The following AKAP11 variants were observed in gnomAD, a reference collection of about 807,000 sequenced individuals.
The protein encoded by AKAP11 is A-kinase anchor protein 11.
Under a neutral mutation model 146.1 loss-of-function variants are expected in AKAP11, and 36 were observed. The ratio of observed to expected loss-of-function variants is 0.25; its 90% CI spans 0.19 to 0.33. The LOEUF (loss-of-function observed/expected upper bound fraction) is 0.33, where lower values mean the gene tolerates loss of function less well. AKAP11 is among the 10% of genes least tolerant of loss of function. AKAP11 has a pLI of 1.00. For missense variants in AKAP11, 2,201 were observed against 2,197.0 expected (o/e 1.00, Z -0.04); for synonymous variants, 780 against 786.5 (o/e 0.99, Z 0.14).
At chr13:42,319,049 TTG>T in intron 12 of AKAP11, 37 bp from the exon 13 acceptor site, 3 of 1,582,568 alleles carry the variant, frequency 1.9e-6, no homozygotes, top group Non-Finnish European at 2.6e-6. Context: ...TGTTATAAAA[TTG>T]TTTTTGGTTA....
rs774029757 is a variant in AKAP11 at position 42,317,580 on chromosome 13, A to G, written c.5457A>G (p.Pro1819=). ...TLLITNIDME[P]CTVDPQLRII... is the part of the protein sequence containing the mutation. ...TAATTACGAATATTGACATGGAGCC[A>G]TGCACGGTAGACCCCCAGCTAAGGA... Residue 1819 remains proline (P), a synonymous_variant, in exon 12 of 13, where the codon CCA becomes CCG. Coordinates refer to ENST00000025301, the MANE Select transcript of AKAP11 (RefSeq NM_016248.4). 5.6e-6 allele frequency: 9 copies of G among 1,614,220 alleles called. No individual in the cohort carries two copies. The highest frequency in any genetic ancestry group is 5.9e-6 in the Non-Finnish European group (7 of 1,180,014).
chr13:42,300,048 T>G lies in AKAP11; in HGVS notation c.1302T>G (p.Pro434=). ...YGNLCDAPDS[P]RPVKASREDS... Reference sequence around the variant, plus strand: ...ACCTGTGTGATGCTCCGGATTCTCCTCGCCCAGTGAAGGCATCAAGGGAAG... The same window carrying G: ...ACCTGTGTGATGCTCCGGATTCTCCGCGCCCAGTGAAGGCATCAAGGGAAG... Residue 434 remains proline, a synonymous_variant, in exon 8 of 13, where the codon CCT becomes CCG. Coordinates refer to ENST00000025301, the MANE Select transcript of AKAP11 (RefSeq NM_016248.4). The G allele has an allele frequency of 6.2e-7, 1 of 1,613,964 alleles. No homozygotes were observed. The highest frequency in any genetic ancestry group is 8.5e-7 in the Non-Finnish European group (1 of 1,179,838).
At position 42,300,054 on chromosome 13, in the gene AKAP11, A is replaced by C. The variant is rs140676601; in HGVS notation, c.1308A>C (p.Pro436=). ...GTGATGCTCCGGATTCTCCTCGCCC[A>C]GTGAAGGCATCAAGGGAAGATAGTG... ...NLCDAPDSPR[P]VKASREDSGL... The change falls in exon 8 of 13, where the codon CCA becomes CCC. Residue 436 remains proline, a synonymous_variant. Transcript: ENST00000025301. The C allele has an allele frequency of 2.9e-4, 474 of 1,613,842 alleles. No homozygotes were observed. Among genetic ancestry groups the C allele is most frequent in the Non-Finnish European group, 3.7e-4 (435 of 1,179,848 alleles).
Position 42,297,169 on chromosome 13 carries a change from A to G in AKAP11, c.338A>G (p.Asp113Gly). Residue 113 changes from aspartate to glycine, a missense_variant, in exon 6 of 13, where the codon GAT becomes GGT. This residue lies in a region of AKAP11 where 331 missense variants were observed against 347.4 expected (regional missense o/e 0.95). Coordinates refer to ENST00000025301, the MANE Select transcript of AKAP11 (RefSeq NM_016248.4). ...NINKPLDISS[D>G]PLNQSHPSGM... ...AATAAACCATTAGATATAAGCAGTG[A>G]TCCTCTAAATCAGGTAACTTTTGTA... The G allele has an allele frequency of 1.4e-6, 2 of 1,457,860 alleles. No individual in the cohort carries two copies. Among genetic ancestry groups the G allele is most frequent in the Non-Finnish European group, 1.8e-6 (2 of 1,096,200 alleles). 90.3% of individuals were successfully genotyped at this position (1,457,860 alleles called of 1,614,324 possible). A position where few individuals can be genotyped will look rare whatever the true frequency, so the allele number is the denominator to read the frequency against.
chr13:42,309,978 G>A (rs144760282), intron 9 of AKAP11, among the ~76,000 whole-genome samples: 3 of 152,208 alleles, frequency 2.0e-5, no homozygotes, highest in African/African-American at 7.2e-5. Flanking sequence ...TTCTGTCCTT[G>A]GTTCTGTCCT....
At chr13:42,290,986 G>A (rs1213974865) in intron 3 of AKAP11, among the ~76,000 whole-genome samples, 1 of 152,100 alleles carries the variant, frequency 6.6e-6, no homozygotes, top group South Asian at 2.1e-4. Flanking sequence ...GTGGAAAAAA[G>A]GTAGTACATG....
chr13:42,292,466 T>A lies in AKAP11; in HGVS notation c.133T>A (p.Cys45Ser). The A allele has an allele frequency of 6.3e-7, 1 of 1,581,052 alleles. No individual in the cohort carries two copies. The stretch of plus-strand genomic sequence containing the variant: ...ACTATGCAGTGTAACAGCAGAGGAC[T>A]GTTTACAGCAGGATGAGCATGCCAA... The part of the protein sequence containing the change: ...KELCSVTAED[C>S]LQQDEHANLT... The change falls in exon 4 of 13, where the codon TGT becomes AGT. Residue 45 changes from cysteine (C) to serine (S), a missense_variant. By Grantham distance (112) the Cys-to-Ser change is moderately radical. Coordinates refer to ENST00000025301, the MANE Select transcript of AKAP11 (RefSeq NM_016248.4).
rs116756612 is a variant in AKAP11 at position 42,277,138 on chromosome 13, T to C, written c.-100+4910T>C. Among the ~76,000 whole-genome samples the C allele has an allele frequency of 5.6e-3, 858 of 152,360 alleles. 10 individuals carry two copies. Among genetic ancestry groups the C allele is most frequent in the African/African-American group, 0.019 (788 of 41,582 alleles). On this transcript the variant is annotated intron_variant, in intron 1 of 12. Transcript: ENST00000025301. ...TCCTTATAATATTGCCATACACATA[T>C]ACAAAGTTTTATTATAAATCAGTTG...
At chr13:42,292,764 T>G (rs1305554487) in intron 4 of AKAP11, among the ~76,000 whole-genome samples, 1 of 152,214 alleles carries the variant, frequency 6.6e-6, no homozygotes, top group Non-Finnish European at 1.5e-5. Context: ...ATTGGATATA[T>G]AGCATTACAT....
At position 42,313,905 on chromosome 13, in the gene AKAP11, A is replaced by G; in HGVS notation, c.5369A>G (p.Asp1790Gly). Residue 1790 changes from aspartate (D) to glycine (G), a missense_variant, in exon 11 of 13, where the codon GAT becomes GGT. Asp to Gly is a moderately conservative substitution (Grantham distance 94). This residue lies in a region of AKAP11 where 1,867 missense variants were observed against 1,833.5 expected (regional missense o/e 1.02). Coordinates refer to ENST00000025301, the MANE Select transcript of AKAP11 (RefSeq NM_016248.4). Reference protein sequence around the residue: ...SFPTSDSDGPDDKDEEHEDEV... With the variant: ...SFPTSDSDGPGDKDEEHEDEV... ...ATTTTATTCATAAGTGATGGACCAG[A>G]TGATAAAGATGAAGAGCATGAGGAC... 1 of 1,613,734 alleles carries G rather than the reference A, an allele frequency of 6.2e-7. No homozygotes were observed. Among genetic ancestry groups the G allele is most frequent in the Non-Finnish European group, 8.5e-7 (1 of 1,179,758 alleles).
chr13:42,300,474 T>C lies in AKAP11; in HGVS notation c.1728T>C (p.Cys576=). 1 of 1,614,122 alleles carries C rather than the reference T, an allele frequency of 6.2e-7. No homozygotes were observed. The highest frequency in any genetic ancestry group is 1.3e-5 in the African/African-American group (1 of 75,062). Residue 576 remains cysteine (C), a synonymous_variant, in exon 8 of 13, where the codon TGT becomes TGC. Coordinates refer to ENST00000025301, the MANE Select transcript of AKAP11 (RefSeq NM_016248.4). ...ACTTACAGAAAGGAGTCTCTTCATG[T>C]ACCAATGCTTTGTACCACTTAGCCA... is the stretch of plus-strand genomic sequence containing the variant. ...FKDLQKGVSS[C]TNALYHLAIK... is the part of the protein sequence containing the mutation.
Position 42,294,864 on chromosome 13 carries a change from C to T in AKAP11, c.169-831C>T, listed in dbSNP as rs763308473. On this transcript the variant is annotated intron_variant, in intron 4 of 12. Coordinates refer to ENST00000025301, the MANE Select transcript of AKAP11 (RefSeq NM_016248.4). ...CACTGCTTATAGTTTGGTGTATTGCCTTCCAGTATTATTTTCCATGCATAT... is the reference window on the plus strand; with the variant it reads ...CACTGCTTATAGTTTGGTGTATTGCTTTCCAGTATTATTTTCCATGCATAT... Among the ~76,000 whole-genome samples the T allele has an allele frequency of 2.6e-4, 40 of 152,240 alleles. No homozygotes were observed. In the Middle Eastern group the frequency reaches 0.014, roughly 52 times the overall value.
chr13:42,279,281 A>ACACACACT (rs755550071), intron 1 of AKAP11, among the ~76,000 whole-genome samples: 12 of 146,588 alleles, frequency 8.2e-5, no homozygotes, highest in South Asian at 4.4e-4. Flanking sequence ...ACACACACAC[A>ACACACACT]CTCTCTCTCT....
intron 9 of AKAP11, among the ~76,000 whole-genome samples, chr13:42,311,351 G>A (rs1045691110): frequency 5.3e-5 from 8 of 152,128 alleles, no homozygotes; most frequent in African/African-American, 1.9e-4. Context: ...TTTAAATGTT[G>A]GGTTAATACA....
chr13:42,320,371 C>T lies in AKAP11; in HGVS notation c.*1143C>T, dbSNP rs1007350901. The T allele has an allele frequency of 6.9e-6, 1 of 144,928 alleles. No individual in the cohort carries two copies. The highest frequency in any genetic ancestry group is 2.6e-5 in the African/African-American group (1 of 39,186). 9.0% of individuals were successfully genotyped at this position (144,928 alleles called of 1,614,324 possible). On this transcript the variant is annotated 3_prime_UTR_variant, in exon 13 of 13. Coordinates refer to ENST00000025301, the MANE Select transcript of AKAP11 (RefSeq NM_016248.4). The stretch of plus-strand genomic sequence containing the variant: ...CACTGTCTCGTCAAGTTCTCTGACA[C>T]GATCTTTCTGGGCTCTACATTTCCT...
intron 1 of AKAP11, among the ~76,000 whole-genome samples, chr13:42,278,712 T>C (rs1182498922): frequency 6.6e-6 from 1 of 152,218 alleles, no homozygotes; most frequent in Admixed American, 6.5e-5. Flanking sequence ...GAATAACTTC[T>C]GTTACCCTCA....
intron 9 of AKAP11, among the ~76,000 whole-genome samples, chr13:42,311,785 A>G (rs1960578238): frequency 1.3e-5 from 2 of 151,940 alleles, no homozygotes; most frequent in Non-Finnish European, 2.9e-5. Context: ...CTTTGTTTGT[A>G]TATTTTCTTA....
intron 9 of AKAP11, 111 bp from the exon 10 acceptor site, chr13:42,312,936 G>T: frequency 2.4e-6 from 2 of 817,066 alleles, no homozygotes; most frequent in Non-Finnish European, 2.0e-6. Flanking sequence ...CTTCACTGTG[G>T]CAGCTTCAGA....
At position 42,321,110 on chromosome 13, in the gene AKAP11, T is replaced by C. The variant is rs902139844; in HGVS notation, c.*1882T>C. On this transcript the variant is annotated 3_prime_UTR_variant, in exon 13 of 13. Transcript: ENST00000025301. ...AAATGTTAGGACTAGGAATGTTTGC[T>C]CTTGTTAATTATGAATTAATTGATT... The C allele has an allele frequency of 1.3e-5, 2 of 152,338 alleles. No individual in the cohort carries two copies. The highest frequency in any genetic ancestry group is 2.9e-5 in the Non-Finnish European group (2 of 68,032). The allele number at this position is 152,338 out of a possible 1,614,324, so 9.4% of individuals were successfully genotyped here. A position where few individuals can be genotyped will look rare whatever the true frequency, so the allele number is the denominator to read the frequency against.
Sources: allele counts gnomAD v4.1 joint callset (sites outside exome capture counted in the v4.1 genomes callset), GRCh38; gene constraint gnomAD v4.1.1; regional missense constraint gnomAD v4.1.1; transcripts MANE v1.5; gene names NCBI Gene and HGNC (gene_info 2026-07-23, HGNC 2026-07-21).